The following CNOT6 variants were observed in gnomAD, a reference collection of about 807,000 sequenced individuals.
CNOT6 encodes carbon catabolite repression 4 protein.
A neutral mutation model predicts 61.2 loss-of-function variants in CNOT6; 12 were observed. That is an observed-to-expected ratio of 0.20 (90% CI 0.13 to 0.32). CNOT6 has a LOEUF of 0.32. CNOT6 is among the 10% of genes least tolerant of loss of function. The pLI, the probability that CNOT6 is intolerant of heterozygous loss-of-function variation, is 1.00. For missense variants in CNOT6, 405 were observed against 663.9 expected (o/e 0.61, Z 4.28); for synonymous variants, 225 against 240.6 (o/e 0.94, Z 0.60).
chr5:180,569,075 T>TGTCTCTTTCTTTGTTTC (rs1452932196), intron 9 of CNOT6, 35 bp from the exon 10 acceptor site: 5 of 1,526,918 alleles, frequency 3.3e-6, no homozygotes, highest in Non-Finnish European at 4.5e-6. Flanking sequence ...GGGCGGGTTT[T>TGTCTCTTTCTTTGTTTC]GTCTCTTTCT....
chr5:180,523,728 C>G (rs1581496830), intron 1 of CNOT6, among the ~76,000 whole-genome samples: 2 of 152,310 alleles, frequency 1.3e-5, no homozygotes, highest in Middle Eastern at 3.4e-3. Context: ...CCAGCTCCCG[C>G]TAACCCCCAG....
Position 180,574,773 on chromosome 5 carries a change from C to T in CNOT6, c.*573C>T, listed in dbSNP as rs957676934. 2.0e-5 allele frequency: 3 copies of T among 153,502 alleles called. No homozygotes were observed. Among genetic ancestry groups the T allele is most frequent in the Admixed American group, 6.5e-5 (1 of 15,410 alleles). 9.5% of individuals were successfully genotyped at this position (153,502 alleles called of 1,614,324 possible). ...AACCTGTTTCATGTGTTATAAAGGC[C>T]AGCTTGTAAAAGAAGCTGCAACAGA... On this transcript the variant is annotated 3_prime_UTR_variant, in exon 12 of 12. Coordinates refer to ENST00000261951, the MANE Select transcript of CNOT6 (RefSeq NM_001370472.1).
intron 1 of CNOT6, among the ~76,000 whole-genome samples, chr5:180,498,452 T>G (rs1756716925): frequency 6.6e-6 from 1 of 152,078 alleles, no homozygotes; most frequent in East Asian, 1.9e-4. Flanking sequence ...AAAATAACAC[T>G]GAATAGGAAT....
intron 2 of CNOT6, among the ~76,000 whole-genome samples, chr5:180,539,278 CTT>C (rs1758889361): frequency 7.4e-6 from 1 of 135,220 alleles, no homozygotes; most frequent in Non-Finnish European, 1.7e-5. Flanking sequence ...GACCCTATCT[CTT>C]TAAAAACAAA....
At chr5:180,538,478 G>T (rs1758831597) in intron 2 of CNOT6, among the ~76,000 whole-genome samples, 1 of 150,220 alleles carries the variant, frequency 6.7e-6, no homozygotes, top group South Asian at 2.1e-4. Flanking sequence ...CTGAGCTCAG[G>T]AGTTTGAGAC....
chr5:180,572,309 C>G (rs1760789373), intron 11 of CNOT6, among the ~76,000 whole-genome samples: 1 of 152,156 alleles, frequency 6.6e-6, no homozygotes, highest in Non-Finnish European at 1.5e-5. Context: ...CATACCTCAG[C>G]CTCCCAAGTA....
intron 4 of CNOT6, among the ~76,000 whole-genome samples, chr5:180,559,372 T>C (rs1760057702): frequency 6.6e-6 from 1 of 152,236 alleles, no homozygotes; most frequent in South Asian, 2.1e-4. Context: ...TTTCTATCTC[T>C]GGCAATTTTA....
intron 2 of CNOT6, among the ~76,000 whole-genome samples, chr5:180,531,392 G>T (rs1488034241): frequency 2.0e-5 from 3 of 151,140 alleles, no homozygotes; most frequent in African/African-American, 7.3e-5. Context: ...ACACGGGGCG[G>T]CGGGGCAGAG....
In CNOT6 at chr5:180,569,031, T is replaced by C. The variant is rs527399862; in HGVS notation, c.1028-79T>C. On this transcript the variant is annotated intron_variant, in intron 9 of 11. Transcript: ENST00000261951. ...TATTCTGGGACTCTGAGAGATTATT[T>C]GCTTTCAGACGCTGTAAGAATATAT... is the stretch of plus-strand genomic sequence containing the variant. 3.7e-5 allele frequency: 38 copies of C among 1,015,328 alleles called. No homozygotes were observed. In the African/African-American group the frequency reaches 5.7e-4, roughly 15 times the overall value. 62.9% of individuals were successfully genotyped at this position (1,015,328 alleles called of 1,614,324 possible).
rs1760988040 is a variant in CNOT6 at position 180,576,036 on chromosome 5, TTTTG to T, written c.*1840_*1843del. On this transcript the variant is annotated 3_prime_UTR_variant, in exon 12 of 12. Coordinates refer to ENST00000261951, the MANE Select transcript of CNOT6 (RefSeq NM_001370472.1). The stretch of plus-strand genomic sequence containing the variant: ...TGATGTTTTGGTTTTGTTTTTTGCT[TTTTG>T]TTTAAGTTGTGCTGACACCAAACAC... The T allele has an allele frequency of 6.5e-6, 1 of 152,684 alleles. No individual in the cohort carries two copies. Among genetic ancestry groups the T allele is most frequent in the South Asian group, 2.1e-4 (1 of 4,834 alleles). The allele number at this position is 152,684 out of a possible 1,614,324, so 9.5% of individuals were successfully genotyped here.
At chr5:180,556,661 A>G (rs139245027) in intron 4 of CNOT6, among the ~76,000 whole-genome samples, 386 of 152,292 alleles carry the variant, frequency 2.5e-3, no homozygotes, top group African/African-American at 8.9e-3. Flanking sequence ...CTATTTTAAG[A>G]ATGCTACCAT....
At position 180,566,050 on chromosome 5, in the gene CNOT6, C is replaced by A. The variant is rs754781185; in HGVS notation, c.717+73C>A. On this transcript the variant is annotated intron_variant, in intron 7 of 11. Coordinates refer to ENST00000261951, the MANE Select transcript of CNOT6 (RefSeq NM_001370472.1). ...CAACTAGGAATACATTACGCTGACACATTTGAAGTTTTAGCTTCAGTAGTT... is the reference window on the plus strand; with the variant it reads ...CAACTAGGAATACATTACGCTGACAAATTTGAAGTTTTAGCTTCAGTAGTT... The A allele has an allele frequency of 4.4e-6, 6 of 1,376,162 alleles. No homozygotes were observed. In the African/African-American group the frequency reaches 4.4e-5, roughly 10 times the overall value. The allele number at this position is 1,376,162 out of a possible 1,614,324, so 85.2% of individuals were successfully genotyped here.
chr5:180,575,158 C>T lies in CNOT6; in HGVS notation c.*958C>T, dbSNP rs1760949648. On this transcript the variant is annotated 3_prime_UTR_variant, in exon 12 of 12. Transcript: ENST00000261951. ...CACTGTGCCTGCCTAAATTTGTTCTCACCAAGCACTGCCTGTGCATGCAGA... is the reference window on the plus strand; with the variant it reads ...CACTGTGCCTGCCTAAATTTGTTCTTACCAAGCACTGCCTGTGCATGCAGA... 1 of 152,672 alleles carries T rather than the reference C, an allele frequency of 6.5e-6. No homozygotes were observed. Among genetic ancestry groups the T allele is most frequent in the Non-Finnish European group, 1.5e-5 (1 of 68,050 alleles). 9.5% of individuals were successfully genotyped at this position (152,672 alleles called of 1,614,324 possible). A position where few individuals can be genotyped will look rare whatever the true frequency, so the allele number is the denominator to read the frequency against.
At chr5:180,545,500 C>G (rs1759270596) in intron 2 of CNOT6, among the ~76,000 whole-genome samples, 1 of 151,798 alleles carries the variant, frequency 6.6e-6, no homozygotes, top group African/African-American at 2.4e-5. Context: ...CTGCTCTTAT[C>G]CTCTATACTT....
chr5:180,533,530 C>T (rs1758510901), intron 2 of CNOT6, among the ~76,000 whole-genome samples: 2 of 151,754 alleles, frequency 1.3e-5, no homozygotes, highest in Non-Finnish European at 2.9e-5. Flanking sequence ...CCCACCTCAC[C>T]CTCCTGAGTA....
chr5:180,508,961 T>C (rs1285475827), intron 1 of CNOT6, among the ~76,000 whole-genome samples: 1 of 151,860 alleles, frequency 6.6e-6, no homozygotes, highest in African/African-American at 2.4e-5. Flanking sequence ...TAGCTGAGAC[T>C]ATAGGCAAGT....
Position 180,567,356 on chromosome 5 carries a change from G to A in CNOT6, c.872+114G>A, listed in dbSNP as rs1760516385. 3 of 881,440 alleles carry A rather than the reference G, an allele frequency of 3.4e-6. No homozygotes were observed. In the East Asian group the frequency reaches 8.1e-5, roughly 24 times the overall value. 54.6% of individuals were successfully genotyped at this position (881,440 alleles called of 1,614,324 possible). A position where few individuals can be genotyped will look rare whatever the true frequency, so the allele number is the denominator to read the frequency against. ...AATGAGGCACTATATTATTACTGAA[G>A]CAAAGAATACTGTTTGACCTAGGGG... On this transcript the variant is annotated intron_variant, in intron 8 of 11. Coordinates refer to ENST00000261951, the MANE Select transcript of CNOT6 (RefSeq NM_001370472.1).
At chr5:180,543,428 G>A (rs1759143659) in intron 2 of CNOT6, among the ~76,000 whole-genome samples, 1 of 152,138 alleles carries the variant, frequency 6.6e-6, no homozygotes, top group African/African-American at 2.4e-5. Context: ...TTCATTTGTT[G>A]TGAACATAGT....
intron 1 of CNOT6, among the ~76,000 whole-genome samples, chr5:180,505,348 C>T (rs1757086036): frequency 7.5e-6 from 1 of 133,194 alleles, no homozygotes; most frequent in Non-Finnish European, 1.6e-5. Context: ...CTCCACCTCC[C>T]AGGTTCACGC....
Sources: gnomAD v4.1 joint callset for allele counts (sites outside exome capture counted in the v4.1 genomes callset) on GRCh38, gnomAD v4.1.1 for gene constraint, MANE v1.5 for transcripts, NCBI Gene and HGNC (gene_info 2026-07-23, HGNC 2026-07-21) for gene names.